The following FIGN variants were observed in gnomAD, a reference collection of about 807,000 sequenced individuals.
FIGN encodes fidgetin, microtubule severing factor.
In FIGN, 11 loss-of-function variants were observed where a neutral mutation model predicts 51.3. The ratio of observed to expected loss-of-function variants is 0.21; its 90% CI spans 0.13 to 0.35. The LOEUF (loss-of-function observed/expected upper bound fraction) is 0.35, where lower values mean the gene tolerates loss of function less well. Ranked by LOEUF, FIGN falls within the 10% of genes least tolerant of loss-of-function variation. The probability of loss-of-function intolerance (pLI) is 1.00; values close to 1 mark genes in which losing one functional copy is unlikely to be tolerated. For synonymous variants in FIGN, 407 were observed against 363.2 expected (o/e 1.12, Z -1.37); for missense variants, 857 against 943.6 (o/e 0.91, Z 1.20).
chr2:163,724,631 C>T (rs1684812091), intron 2 of FIGN, among the ~76,000 whole-genome samples: 1 of 152,038 alleles, frequency 6.6e-6, no homozygotes, highest in African/African-American at 2.4e-5. Flanking sequence ...TCAAAGTATT[C>T]AATGATTTCA....
intron 2 of FIGN, among the ~76,000 whole-genome samples, chr2:163,732,731 C>T (rs1684950777): frequency 6.6e-6 from 1 of 152,136 alleles, no homozygotes; most frequent in Non-Finnish European, 1.5e-5. Flanking sequence ...TCAAAATATC[C>T]TTGCTTTTTT....
chr2:163,631,612 C>A (rs1439563266), intron 2 of FIGN, among the ~76,000 whole-genome samples: 1 of 152,086 alleles, frequency 6.6e-6, no homozygotes, highest in Non-Finnish European at 1.5e-5. Context: ...CCCTTTCCAC[C>A]ATTTTCCGTA....
At chr2:163,667,871 T>C (rs1435221701) in intron 2 of FIGN, among the ~76,000 whole-genome samples, 2 of 152,206 alleles carry the variant, frequency 1.3e-5, no homozygotes, top group African/African-American at 4.8e-5. Context: ...TCATCATCTC[T>C]GCATCCCTAG....
intron 2 of FIGN, among the ~76,000 whole-genome samples, chr2:163,627,394 CAG>C (rs1367205027): frequency 6.6e-6 from 1 of 152,030 alleles, no homozygotes; most frequent in African/African-American, 2.4e-5. Flanking sequence ...ATGCATGAAA[CAG>C]ATTCTAGTGC....
Position 163,611,228 on chromosome 2 carries a change from G to T in FIGN, c.604C>A (p.Pro202Thr). The T allele has an allele frequency of 6.2e-7, 1 of 1,614,114 alleles. No individual in the cohort carries two copies. Residue 202 changes from proline (P) to threonine (T), a missense_variant, in exon 3 of 3, where the codon CCA becomes ACA. This residue lies in a region of FIGN where 799 missense variants were observed against 849.5 expected (regional missense o/e 0.94). Transcript: ENST00000333129. ...SYLHSTYSSQ[P>T]APALPSPHPS... ...TGAGGTGAAGGAAGTGCAGGTGCTG[G>T]CTGGCTACTATAAGTAGAATGCAAA...
intron 2 of FIGN, among the ~76,000 whole-genome samples, chr2:163,660,725 G>GTA (rs1367640724): frequency 2.4e-5 from 1 of 41,810 alleles, no homozygotes; most frequent in Non-Finnish European, 6.8e-5. Flanking sequence ...ACATATATAT[G>GTA]TATACACATA....
intron 2 of FIGN, among the ~76,000 whole-genome samples, chr2:163,642,708 C>G (rs570985781): frequency 6.6e-6 from 1 of 152,130 alleles, no homozygotes. Context: ...TAAGACAGTT[C>G]TTGGTCCATG....
chr2:163,725,064 C>G lies in FIGN; in HGVS notation c.25+9839G>C, dbSNP rs538434881. ...GACTTTCTCGAACTTGTGCCTCCTTCCCCTATTCCTACATGTTGTCCATGA... is the reference window on the plus strand; with the variant it reads ...GACTTTCTCGAACTTGTGCCTCCTTGCCCTATTCCTACATGTTGTCCATGA... On this transcript the variant is annotated intron_variant, in intron 2 of 2. Coordinates refer to ENST00000333129, the MANE Select transcript of FIGN (RefSeq NM_018086.4). Among the ~76,000 whole-genome samples, 18 of 152,164 alleles carry G rather than the reference C, an allele frequency of 1.2e-4. 1 individual carries two copies. The highest frequency in any genetic ancestry group is 4.3e-4 in the African/African-American group (18 of 41,526).
chr2:163,688,683 G>T lies in FIGN; in HGVS notation c.25+46220C>A, dbSNP rs574135506. On this transcript the variant is annotated intron_variant, in intron 2 of 2. Transcript: ENST00000333129. ...GGGAGACAACATGAACACATTGTTT[G>T]TGGACTACCCAGCCCAGATAATTCA... is the stretch of plus-strand genomic sequence containing the variant. Among the ~76,000 whole-genome samples the T allele has an allele frequency of 5.3e-5, 8 of 152,282 alleles. 1 individual carries two copies. In the South Asian group the frequency reaches 1.4e-3, roughly 28 times the overall value.
intron 2 of FIGN, among the ~76,000 whole-genome samples, chr2:163,717,066 G>C (rs915077252): frequency 1.3e-5 from 2 of 152,144 alleles, no homozygotes; most frequent in Non-Finnish European, 2.9e-5. Context: ...TACCCTTGGA[G>C]TGAGTAGTTA....
intron 2 of FIGN, among the ~76,000 whole-genome samples, chr2:163,618,765 C>G (rs1682919908): frequency 6.6e-6 from 1 of 152,112 alleles, no homozygotes; most frequent in South Asian, 2.1e-4. Context: ...CTCCTACCCC[C>G]TGACAATGTC....
chr2:163,671,290 T>G (rs1309973787), intron 2 of FIGN, among the ~76,000 whole-genome samples: 1 of 151,974 alleles, frequency 6.6e-6, no homozygotes, highest in Non-Finnish European at 1.5e-5. Flanking sequence ...AAAGCATAGA[T>G]AAAAAGGAAT....
At chr2:163,714,780 C>A (rs556914580) in intron 2 of FIGN, among the ~76,000 whole-genome samples, 1 of 152,168 alleles carries the variant, frequency 6.6e-6, no homozygotes. Flanking sequence ...TAATCTTATA[C>A]CCATTAATTC....
intron 2 of FIGN, among the ~76,000 whole-genome samples, chr2:163,654,026 T>C (rs1389213114): frequency 6.6e-6 from 1 of 152,144 alleles, no homozygotes. Flanking sequence ...ATTTGAAAAC[T>C]AGAGTAGCCA....
At chr2:163,635,872 G>A (rs1006736028) in intron 2 of FIGN, among the ~76,000 whole-genome samples, 8 of 151,938 alleles carry the variant, frequency 5.3e-5, no homozygotes, top group African/African-American at 1.9e-4. Context: ...GAAAAGAATG[G>A]CTTAATTGCA....
At position 163,607,452 on chromosome 2, in the gene FIGN, A is replaced by AC. The variant is rs1691133571; in HGVS notation, c.*2099_*2100insG. On this transcript the variant is annotated 3_prime_UTR_variant, in exon 3 of 3. Coordinates refer to ENST00000333129, the MANE Select transcript of FIGN (RefSeq NM_018086.4). ...GTTCAATTGCTCAGTTTTTAGCAAC[A>AC]TAAAAAATAAAAAAAGGGGAGTAAA... The AC allele has an allele frequency of 6.6e-6, 1 of 152,414 alleles. No homozygotes were observed. Among genetic ancestry groups the AC allele is most frequent in the Admixed American group, 6.5e-5 (1 of 15,272 alleles). 9.4% of individuals were successfully genotyped at this position (152,414 alleles called of 1,614,324 possible).
At chr2:163,731,411 T>C (rs1679375147) in intron 2 of FIGN, among the ~76,000 whole-genome samples, 7 of 152,162 alleles carry the variant, frequency 4.6e-5, no homozygotes, top group Admixed American at 4.6e-4. Context: ...TCTCTCTGGT[T>C]ACACTCTTAT....
rs988298416 is a variant in FIGN at position 163,608,501 on chromosome 2, T to A, written c.*1051A>T. ...GTCATAGTTTTTAGGTACTGTGACTTTCAGGGTCCTAAACAGGTCTTGTGG... is the reference window on the plus strand; with the variant it reads ...GTCATAGTTTTTAGGTACTGTGACTATCAGGGTCCTAAACAGGTCTTGTGG... On this transcript the variant is annotated 3_prime_UTR_variant, in exon 3 of 3. Transcript: ENST00000333129. 1.3e-5 allele frequency: 2 copies of A among 152,526 alleles called. No individual in the cohort carries two copies. The highest frequency in any genetic ancestry group is 2.9e-5 in the Non-Finnish European group (2 of 68,204). The allele number at this position is 152,526 out of a possible 1,614,324, so 9.4% of individuals were successfully genotyped here.
At chr2:163,620,171 G>A (rs1682943681) in intron 2 of FIGN, among the ~76,000 whole-genome samples, 2 of 152,022 alleles carry the variant, frequency 1.3e-5, no homozygotes, top group South Asian at 4.1e-4. Flanking sequence ...TTTAAAAACT[G>A]TTATTTTGTT....
Sources: gnomAD v4.1 joint callset for allele counts (sites outside exome capture counted in the v4.1 genomes callset) on GRCh38, gnomAD v4.1.1 for gene constraint, gnomAD v4.1.1 regional missense constraint, MANE v1.5 for transcripts, NCBI Gene and HGNC (gene_info 2026-07-23, HGNC 2026-07-21) for gene names.